The following TNS3 variants were observed in gnomAD, a reference collection of about 807,000 sequenced individuals.
TNS3 encodes tensin-3.
A neutral mutation model predicts 140.9 loss-of-function variants in TNS3; 45 were observed. That is an observed-to-expected ratio of 0.32 (90% confidence interval 0.25 to 0.41). The LOEUF is 0.41. TNS3 is among the 10% of genes least tolerant of loss of function. The pLI, the probability that TNS3 is intolerant of heterozygous loss-of-function variation, is 1.00. For synonymous variants in TNS3, 815 were observed against 788.4 expected, an observed-to-expected ratio of 1.03 and a Z score of -0.56; for missense variants, 1,716 against 1,906.7, an observed-to-expected ratio of 0.90 and a Z score of 1.86.
intron 16 of TNS3, 68 bp from the exon 17 acceptor site, chr7:47,369,689 G>A: frequency 1.4e-6 from 2 of 1,472,896 alleles, no homozygotes; most frequent in East Asian, 2.3e-5. Context: ...CCCTCTGAAT[G>A]GGCGTGTGCA....
At chr7:47,295,520 A>G (rs999149083) in intron 24 of TNS3, among the ~76,000 whole-genome samples, 15 of 152,162 alleles carry the variant, frequency 9.9e-5, no homozygotes, top group African/African-American at 3.4e-4. Context: ...TCCACTCAGA[A>G]ATAGCATCGT....
intron 4 of TNS3, among the ~76,000 whole-genome samples, chr7:47,478,813 T>A (rs1797298841): frequency 6.6e-6 from 1 of 152,138 alleles, no homozygotes; most frequent in South Asian, 2.1e-4. Context: ...ATGTATAACA[T>A]GCATGTATGT....
intron 27 of TNS3, among the ~76,000 whole-genome samples, chr7:47,284,322 A>G (rs1188017250): frequency 6.6e-6 from 1 of 152,162 alleles, no homozygotes. Flanking sequence ...TGAGGGAAGC[A>G]TGTGTCCTCA....
intron 17 of TNS3, among the ~76,000 whole-genome samples, chr7:47,361,806 A>G (rs1324041223): frequency 6.6e-6 from 1 of 152,180 alleles, no homozygotes; most frequent in African/African-American, 2.4e-5. Context: ...ATGCCACAGC[A>G]CTATCTGCAA....
intron 3 of TNS3, among the ~76,000 whole-genome samples, chr7:47,500,167 C>A: frequency 6.6e-6 from 1 of 152,210 alleles, no homozygotes; most frequent in East Asian, 1.9e-4. Flanking sequence ...ACTCTCATTT[C>A]GTCCTGTGGG....
intron 23 of TNS3, among the ~76,000 whole-genome samples, chr7:47,299,498 GA>G (rs1456346652): frequency 1.3e-5 from 2 of 152,136 alleles, no homozygotes; most frequent in Non-Finnish European, 2.9e-5. Flanking sequence ...TTTCAACTGT[GA>G]TATACCTCAG....
intron 20 of TNS3, among the ~76,000 whole-genome samples, chr7:47,328,276 C>T (rs894249976): frequency 1.3e-5 from 2 of 152,214 alleles, no homozygotes; most frequent in Non-Finnish European, 2.9e-5. Context: ...CTGGCTGTCG[C>T]GGGCGGCCTG....
intron 1 of TNS3, among the ~76,000 whole-genome samples, chr7:47,547,924 G>A (rs187730566): frequency 2.7e-3 from 406 of 152,248 alleles, no homozygotes; most frequent in African/African-American, 9.5e-3. Context: ...AACTCCTGAC[G>A]GAGTCTCACT....
At position 47,415,031 on chromosome 7, in the gene TNS3, C is replaced by T; in HGVS notation, c.586+63G>A. ...GCCGAGGCTTATCTAAATTGAGGGG[C>T]CCAGGACCAGCTCCAAGTCTGGGCC... is the stretch of plus-strand genomic sequence containing the variant. On this transcript the variant is annotated intron_variant, in intron 11 of 30. Transcript: ENST00000311160. The T allele has an allele frequency of 2.4e-6, 3 of 1,275,010 alleles. No homozygotes were observed. The South Asian group carries it at 3.8e-5, about 16-fold the overall frequency. The allele number at this position is 1,275,010 out of a possible 1,614,324, so 79.0% of individuals were successfully genotyped here.
chr7:47,573,749 A>G (rs1039623894), intron 1 of TNS3, among the ~76,000 whole-genome samples: 76 of 152,156 alleles, frequency 5.0e-4, no homozygotes, highest in African/African-American at 1.8e-3. Flanking sequence ...TCCAGAGGAG[A>G]AACATTAGGA....
intron 2 of TNS3, among the ~76,000 whole-genome samples, chr7:47,518,620 T>A (rs1030796883): frequency 6.6e-6 from 1 of 152,200 alleles, no homozygotes; most frequent in Non-Finnish European, 1.5e-5. Context: ...TTTGAGGTTA[T>A]GAGTTGGAAA....
intron 20 of TNS3, among the ~76,000 whole-genome samples, chr7:47,343,684 C>T (rs941424455): frequency 3.3e-5 from 5 of 152,210 alleles, no homozygotes; most frequent in African/African-American, 4.8e-5. Context: ...GTCCATCATG[C>T]TAATGCATAT....
chr7:47,565,780 C>G (rs886148986), intron 1 of TNS3, among the ~76,000 whole-genome samples: 5 of 152,154 alleles, frequency 3.3e-5, no homozygotes, highest in Non-Finnish European at 5.9e-5. Context: ...ACCTCGCTTT[C>G]CAATTTCGCA....
chr7:47,423,921 G>A (rs1354181821), intron 10 of TNS3, among the ~76,000 whole-genome samples, 180 bp downstream of exon 10: 1 of 152,170 alleles, frequency 6.6e-6, no homozygotes, highest in Non-Finnish European at 1.5e-5. Flanking sequence ...CACACAGGAT[G>A]GCTAAGTCCT....
intron 9 of TNS3, 59 bp downstream of exon 9, chr7:47,428,253 G>T: frequency 8.0e-7 from 1 of 1,256,598 alleles, no homozygotes; most frequent in Middle Eastern, 2.2e-4. Flanking sequence ...ACAGCCTTCA[G>T]CCCCATGCAG....
chr7:47,552,388 T>C lies in TNS3; in HGVS notation c.-264-23241A>G, dbSNP rs947669351. On this transcript the variant is annotated intron_variant, in intron 1 of 30. Coordinates refer to ENST00000311160, the MANE Select transcript of TNS3 (RefSeq NM_022748.12). ...GCAGACAGACCTCGTTTTATTGTGC[T>C]TTGCTTTATTGAACTTTGCAGATAC... 2.6e-5 allele frequency among the ~76,000 whole-genome samples: 4 copies of C among 152,302 alleles called. 1 individual carries two copies. Among genetic ancestry groups the C allele is most frequent in the African/African-American group, 9.6e-5 (4 of 41,560 alleles).
At chr7:47,349,449 C>T (rs867360582) in intron 17 of TNS3, among the ~76,000 whole-genome samples, 8 of 152,294 alleles carry the variant, frequency 5.3e-5, no homozygotes, top group Non-Finnish European at 8.8e-5. Flanking sequence ...GGGAACTCAG[C>T]GACGGAGAGC....
At chr7:47,307,489 G>A (rs1562577480) in intron 20 of TNS3, among the ~76,000 whole-genome samples, 1 of 152,186 alleles carries the variant, frequency 6.6e-6, no homozygotes, top group Non-Finnish European at 1.5e-5. Flanking sequence ...TGAATACCTA[G>A]GGATGGAATG....
rs1363473741 is a variant in TNS3 at position 47,278,147 on chromosome 7, G to A, written c.4267C>T (p.Pro1423Ser). The A allele has an allele frequency of 2.5e-6, 4 of 1,613,998 alleles. No individual in the cohort carries two copies. In the African/African-American group the frequency reaches 5.3e-5, roughly 22 times the overall value. ...ACAATGGCACTGGCAGGCTGCTCAG[G>A]GTCATGCTCTGCAAACAGGTGGCAC... is the stretch of plus-strand genomic sequence containing the variant. ...NVCHLFAEHD[P>S]EQPASAIVNF... Residue 1423 changes from proline (P) to serine (S), a missense_variant, in exon 31 of 31, where the codon CCT becomes TCT. By Grantham distance (74) the Pro-to-Ser change is moderately conservative. Around this residue, in one of 3 missense-constraint regions of TNS3, gnomAD observed 216 missense variants for 295.7 expected, o/e 0.73. Transcript: ENST00000311160.
Sources: gnomAD v4.1 joint callset for allele counts (sites outside exome capture counted in the v4.1 genomes callset) on GRCh38, gnomAD v4.1.1 for gene constraint, gnomAD v4.1.1 regional missense constraint, MANE v1.5 for transcripts, NCBI Gene and HGNC (gene_info 2026-07-23, HGNC 2026-07-21) for gene names.